CCDC171: variants seen among roughly 807,000 people sequenced by gnomAD.
CCDC171 encodes coiled-coil domain-containing protein 171.
A neutral mutation model predicts 168.2 loss-of-function variants in CCDC171; 177 were observed. That is an observed-to-expected ratio of 1.05 (90% CI 0.93 to 1.19). The LOEUF is 1.19. Ranked by LOEUF, CCDC171 falls within the 50% of genes most tolerant of loss-of-function variation. The pLI, the probability that CCDC171 is intolerant of heterozygous loss-of-function variation, is 0.00. For missense variants in CCDC171, 1,991 were observed against 1,539.0 expected (o/e 1.29, Z -4.91); for synonymous variants, 687 against 540.8 (o/e 1.27, Z -3.75).
chr9:15,965,817 G>C (rs1303880459), intron 25 of CCDC171, among the ~76,000 whole-genome samples: 2 of 152,096 alleles, frequency 1.3e-5, no homozygotes, highest in African/African-American at 4.8e-5. Context: ...AACTTGTCAA[G>C]GATCACATAA....
intron 9 of CCDC171, among the ~76,000 whole-genome samples, chr9:15,677,955 A>C: frequency 8.4e-6 from 1 of 119,642 alleles, no homozygotes; most frequent in Non-Finnish European, 1.7e-5. Context: ...TGTTACCTAG[A>C]CTGGAGTGCA....
intron 24 of CCDC171, among the ~76,000 whole-genome samples, chr9:15,887,194 GTA>G (rs912749979): frequency 6.6e-6 from 1 of 151,894 alleles, no homozygotes; most frequent in Non-Finnish European, 1.5e-5. Flanking sequence ...ATTTCACAAA[GTA>G]TATATATATT....
At chr9:15,929,733 T>C (rs561875563) in intron 25 of CCDC171, among the ~76,000 whole-genome samples, 1 of 151,952 alleles carries the variant, frequency 6.6e-6, no homozygotes, top group African/African-American at 2.4e-5. Flanking sequence ...CCCTGCCTTA[T>C]TAGTGCCAGA....
At chr9:15,778,389 A>G (rs1202400085) in intron 19 of CCDC171, among the ~76,000 whole-genome samples, 1 of 147,498 alleles carries the variant, frequency 6.8e-6, no homozygotes, top group Non-Finnish European at 1.5e-5. Flanking sequence ...CTGTAATCCC[A>G]GTACTTTGGG....
chr9:15,706,060 G>C (rs1172825506), intron 11 of CCDC171, among the ~76,000 whole-genome samples: 5 of 152,104 alleles, frequency 3.3e-5, no homozygotes, highest in East Asian at 3.9e-4. Context: ...CATCTTGATT[G>C]CCTCTATCAT....
At position 15,695,301 on chromosome 9, in the gene CCDC171, T is replaced by G. The variant is rs545117191; in HGVS notation, c.1282T>G (p.Leu428Val). The part of the protein sequence containing the change: ...ENNVKELESI[L>V]DSFTVSGQWT... The stretch of plus-strand genomic sequence containing the variant: ...TAACGTGAAAGAATTGGAATCGATC[T>G]TGGACAGCTTTACTGTGTCGGGCCA... The change falls in exon 11 of 26, where the codon TTG becomes GTG. Residue 428 changes from leucine (L) to valine (V), a missense_variant. Transcript: ENST00000380701. The G allele has an allele frequency of 1.4e-4, 219 of 1,614,136 alleles. No homozygotes were observed. Among genetic ancestry groups the G allele is most frequent in the Non-Finnish European group, 1.7e-4 (205 of 1,179,956 alleles).
intron 18 of CCDC171, among the ~76,000 whole-genome samples, chr9:15,765,875 A>G (rs1407709167): frequency 2.0e-5 from 3 of 152,168 alleles, no homozygotes; most frequent in African/African-American, 7.2e-5. Flanking sequence ...GTGTTTTTGC[A>G]TATTTTGTGA....
At chr9:16,013,352 C>T (rs1832924582) in intron 3 of CCDC171, among the ~76,000 whole-genome samples, 1 of 152,180 alleles carries the variant, frequency 6.6e-6, no homozygotes. Flanking sequence ...TTATAGTTAG[C>T]TGTCAGATTA....
intron 19 of CCDC171, 84 bp from the exon 20 acceptor site, chr9:15,778,884 T>TA: frequency 9.9e-7 from 1 of 1,008,296 alleles, no homozygotes; most frequent in East Asian, 2.9e-5. Context: ...TAATCTAAGT[T>TA]ACATTTAATT....
chr9:15,887,489 G>A (rs1165481377), intron 24 of CCDC171, among the ~76,000 whole-genome samples: 2 of 152,090 alleles, frequency 1.3e-5, no homozygotes, highest in South Asian at 2.1e-4. Flanking sequence ...ACATTAAAAG[G>A]TAAACTGTGG....
At chr9:15,926,194 G>A (rs1825870219) in intron 25 of CCDC171, among the ~76,000 whole-genome samples, 1 of 151,656 alleles carries the variant, frequency 6.6e-6, no homozygotes, top group Non-Finnish European at 1.5e-5. Flanking sequence ...ATTGTAAAGT[G>A]GGAAGAGCAA....
rs376932836 is a variant in CCDC171 at position 15,874,505 on chromosome 9, C to T, written c.3469-27C>T. ...AGTTAATGTGTCTGAAGGGGAATTA[C>T]CATTGATGCTGTTTTTTTCCCTTTA... On this transcript the variant is annotated intron_variant, in intron 23 of 25. Coordinates refer to ENST00000380701, the MANE Select transcript of CCDC171 (RefSeq NM_173550.4). 50 of 1,569,432 alleles carry T rather than the reference C, an allele frequency of 3.2e-5. No individual in the cohort carries two copies. In the South Asian group the frequency reaches 4.7e-4, roughly 15 times the overall value.
chr9:15,772,005 T>C (rs1265478767), intron 18 of CCDC171, among the ~76,000 whole-genome samples: 2 of 152,142 alleles, frequency 1.3e-5, no homozygotes, highest in Non-Finnish European at 2.9e-5. Context: ...GCTAATTTTT[T>C]GTATTTTTAG....
chr9:15,737,055 C>T lies in CCDC171; in HGVS notation c.2050-7218C>T, dbSNP rs558839382. ...TGTCAGCCACCCACAAATGGTAGTT[C>T]TCTTAATTTGTATTTCTCGGATTTT... On this transcript the variant is annotated intron_variant, in intron 16 of 25. Coordinates refer to ENST00000380701, the MANE Select transcript of CCDC171 (RefSeq NM_173550.4). 4.6e-5 allele frequency among the ~76,000 whole-genome samples: 7 copies of T among 151,766 alleles called. No homozygotes were observed. In the South Asian group the frequency reaches 1.5e-3, roughly 32 times the overall value.
chr9:15,899,537 T>A (rs1821356668), intron 24 of CCDC171, among the ~76,000 whole-genome samples: 1 of 152,196 alleles, frequency 6.6e-6, no homozygotes, highest in Admixed American at 6.5e-5. Context: ...TTCTGATAGG[T>A]GTAGTGATAT....
In CCDC171 at chr9:15,613,769, C is replaced by T. The variant is rs754585694; in HGVS notation, c.676-9498C>T. 1.1e-4 allele frequency among the ~76,000 whole-genome samples: 16 copies of T among 152,124 alleles called. No homozygotes were observed. The South Asian group carries it at 1.5e-3, about 14-fold the overall frequency. On this transcript the variant is annotated intron_variant, in intron 6 of 25. Coordinates refer to ENST00000380701, the MANE Select transcript of CCDC171 (RefSeq NM_173550.4). ...TGAACTCCTGACCTTGTGATCTGCC[C>T]GCCTCGGCCTCCCAAAGTGCGGGGA...
At chr9:15,861,063 A>G (rs1588892747) in intron 23 of CCDC171, among the ~76,000 whole-genome samples, 1 of 112,894 alleles carries the variant, frequency 8.9e-6, no homozygotes, top group African/African-American at 3.4e-5. Context: ...TTCTAATCCT[A>G]ATCTATTTTG....
chr9:15,813,939 T>C (rs7857601), intron 21 of CCDC171, among the ~76,000 whole-genome samples: 1 of 151,880 alleles, frequency 6.6e-6, no homozygotes, highest in Admixed American at 6.6e-5. Context: ...TAAGGTGAAA[T>C]AAGAAGAGGT....
chr9:15,785,426 T>C (rs566565381), intron 21 of CCDC171, among the ~76,000 whole-genome samples: 5 of 152,252 alleles, frequency 3.3e-5, no homozygotes, highest in Non-Finnish European at 7.4e-5. Flanking sequence ...TATTAACTTA[T>C]ACAAATAATA....
Sources: gnomAD v4.1 joint callset for allele counts (sites outside exome capture counted in the v4.1 genomes callset) on GRCh38, gnomAD v4.1.1 for gene constraint, MANE v1.5 for transcripts, NCBI Gene and HGNC (gene_info 2026-07-23, HGNC 2026-07-21) for gene names.